Variants in SPOUT1 observed in about 807,000 individuals in gnomAD.
SPOUT1 encodes SPOUT domain containing methyltransferase 1.
A neutral mutation model predicts 54.8 loss-of-function variants in SPOUT1; 40 were observed. That is an observed-to-expected ratio of 0.73 (90% CI 0.57 to 0.95). SPOUT1 has a LOEUF of 0.95. Among genes scored for constraint, SPOUT1 ranks in the 40% least tolerant of loss-of-function variants. The pLI, the probability that SPOUT1 is intolerant of heterozygous loss-of-function variation, is 0.00. For synonymous variants in SPOUT1, 193 were observed against 200.3 expected (o/e 0.96, Z 0.31); for missense variants, 437 against 499.5 (o/e 0.87, Z 1.19).
chr9:128,822,435 G>C lies in SPOUT1; in HGVS notation c.*330C>G. On this transcript the variant is annotated 3_prime_UTR_variant, in exon 12 of 12. Coordinates refer to ENST00000361256, the MANE Select transcript of SPOUT1 (RefSeq NM_016390.4). ...GTGCTGATCCTGGAGGCAGCAGGTG[G>C]GCAAATTGAGCTCCGCACCTACGTG... 2 of 1,598,882 alleles carry C rather than the reference G, an allele frequency of 1.3e-6. No individual in the cohort carries two copies. The highest frequency in any genetic ancestry group is 1.7e-6 in the Non-Finnish European group (2 of 1,172,620).
At position 128,822,629 on chromosome 9, in the gene SPOUT1, CTG is replaced by C; in HGVS notation, c.*134_*135del. ...TAAGTGAGGGTGGAGCCCAGTGAGACTGTGGGTGTGTGCAGGCCGGGGAGTAT... is the reference window on the plus strand; with the variant it reads ...TAAGTGAGGGTGGAGCCCAGTGAGACTGGGTGTGTGCAGGCCGGGGAGTAT... On this transcript the variant is annotated 3_prime_UTR_variant, in exon 12 of 12. Coordinates refer to ENST00000361256, the MANE Select transcript of SPOUT1 (RefSeq NM_016390.4). The C allele has an allele frequency of 1.9e-6, 3 of 1,563,160 alleles. No homozygotes were observed. Among genetic ancestry groups the C allele is most frequent in the East Asian group, 2.3e-5 (1 of 42,594 alleles).
chr9:128,825,928 G>T, intron 7 of SPOUT1, 94 bp downstream of exon 7: 1 of 1,513,794 alleles, frequency 6.6e-7, no homozygotes, highest in Non-Finnish European at 9.0e-7. Context: ...GGGATTTCGG[G>T]CAGGTCCAGG....
Position 128,827,086 on chromosome 9 carries a change from G to A in SPOUT1, c.314C>T (p.Ala105Val). The A allele has an allele frequency of 6.2e-7, 1 of 1,614,130 alleles. No individual in the cohort carries two copies. The highest frequency in any genetic ancestry group is 8.5e-7 in the Non-Finnish European group (1 of 1,180,036). ...YLAGQIARAC[A>V]IFCVDEIVVF... ...CACGATCTCATCCACACAGAAGATG[G>A]CACAGGCTCTGGCAATCTGACCGGC... Residue 105 changes from alanine (A) to valine (V), a missense_variant, in exon 4 of 12, where the codon GCC becomes GTC. Transcript: ENST00000361256.
intron 9 of SPOUT1, 61 bp from the exon 10 acceptor site, chr9:128,824,235 A>G (rs1358306482): frequency 2.0e-5 from 11 of 561,808 alleles, no homozygotes; most frequent in Non-Finnish European, 3.7e-5. Flanking sequence ...TCCGGGTATT[A>G]TGTGTGTGTG....
At position 128,822,766 on chromosome 9, in the gene SPOUT1, CA is replaced by C; in HGVS notation, c.1129del (p.Ter377GlufsTer14). 1 of 1,575,662 alleles carries C rather than the reference CA, an allele frequency of 6.3e-7. No homozygotes were observed. The highest frequency in any genetic ancestry group is 8.6e-7 in the Non-Finnish European group (1 of 1,159,314). On this transcript the variant is annotated frameshift_variant and stop_lost, in exon 12 of 12. Coordinates refer to ENST00000361256, the MANE Select transcript of SPOUT1 (RefSeq NM_016390.4). LOFTEE classifies it high-confidence loss of function. ...GATGTCCTCGGCCCCTTAGAACTTT[CA>C]GGTGTGCCGGGCACCCGCCTGGATG... ...GLIQAGARHT[*>X]
chr9:128,820,391 A>C lies in SPOUT1; in HGVS notation c.*2374T>G. On this transcript the variant is annotated 3_prime_UTR_variant, in exon 12 of 12. Coordinates refer to ENST00000361256, the MANE Select transcript of SPOUT1 (RefSeq NM_016390.4). ...CCTGTGGCTCAGACTGGGAAAAGGA[A>C]CGGGTTGGTAGTTGGAAGGGCTGGT... The C allele has an allele frequency of 4.3e-6, 1 of 234,006 alleles. No homozygotes were observed. Among genetic ancestry groups the C allele is most frequent in the East Asian group, 9.9e-5 (1 of 10,072 alleles). The allele number at this position is 234,006 out of a possible 1,614,324, so 14.5% of individuals were successfully genotyped here.
At chr9:128,825,847 T>C (rs1830230320) in intron 7 of SPOUT1, 175 bp downstream of exon 7, 13 of 721,950 alleles carry the variant, frequency 1.8e-5, no homozygotes, top group South Asian at 1.6e-4. Context: ...TAAGCAACAG[T>C]AAATTCATTC....
chr9:128,826,773 G>T lies in SPOUT1; in HGVS notation c.369-144C>A. On this transcript the variant is annotated intron_variant, in intron 4 of 11. Coordinates refer to ENST00000361256, the MANE Select transcript of SPOUT1 (RefSeq NM_016390.4). The surrounding 1 kb of genome is among the most constrained non-coding windows in gnomAD (Gnocchi z 5.5). ...GTGCAGCAAGTAGAGGCTGCAGTGAGCCATGACCATGCCACTGCATGCACT... is the reference window on the plus strand; with the variant it reads ...GTGCAGCAAGTAGAGGCTGCAGTGATCCATGACCATGCCACTGCATGCACT... 1.4e-6 allele frequency: 1 copy of T among 690,364 alleles called. No homozygotes were observed. The highest frequency in any genetic ancestry group is 1.9e-5 in the South Asian group (1 of 52,942). The allele number at this position is 690,364 out of a possible 1,614,324, so 42.8% of individuals were successfully genotyped here.
At chr9:128,824,228 G>A (rs1015579354) in intron 9 of SPOUT1, 54 bp from the exon 10 acceptor site, 8 of 959,734 alleles carry the variant, frequency 8.3e-6, no homozygotes, top group East Asian at 4.9e-5. Flanking sequence ...CCATAGCTCC[G>A]GGTATTATGT....
At position 128,820,611 on chromosome 9, in the gene SPOUT1, C is replaced by T. The variant is rs1168835105; in HGVS notation, c.*2154G>A. The T allele has an allele frequency of 1.3e-6, 1 of 745,886 alleles. No individual in the cohort carries two copies. Among genetic ancestry groups the T allele is most frequent in the African/African-American group, 1.8e-5 (1 of 57,018 alleles). The allele number at this position is 745,886 out of a possible 1,614,324, so 46.2% of individuals were successfully genotyped here. A position where few individuals can be genotyped will look rare whatever the true frequency, so the allele number is the denominator to read the frequency against. ...GGAGTGACTTTCATTCCTTGAGCCT[C>T]AGTTTCCCCCCGCTTGTCTCACTGG... On this transcript the variant is annotated 3_prime_UTR_variant, in exon 12 of 12. Coordinates refer to ENST00000361256, the MANE Select transcript of SPOUT1 (RefSeq NM_016390.4).
In SPOUT1 at chr9:128,826,548, C is replaced by T. The variant is rs778996861; in HGVS notation, c.450G>A (p.Glu150=). 2 of 1,610,770 alleles carry T rather than the reference C, an allele frequency of 1.2e-6. No individual in the cohort carries two copies. The highest frequency in any genetic ancestry group is 2.2e-5 in the East Asian group (1 of 44,846). The change falls in exon 5 of 12, where the codon GAG becomes GAA. Residue 150 remains glutamate (E), a synonymous_variant. Transcript: ENST00000361256. This position sits in a 1 kb window ranked among gnomAD's most constrained non-coding sequence, Gnocchi z 5.5. The stretch of plus-strand genomic sequence containing the variant: ...GGGAGTGACCCCCTTACTGTGGACA[C>T]TCCAGGTACTGCAGGATCCGGGCCA... ...VQLARILQYL[E]CPQYLRKAFF...
At chr9:128,824,234 T>C (rs1830191115) in intron 9 of SPOUT1, 60 bp from the exon 10 acceptor site, 10 of 869,364 alleles carry the variant, frequency 1.2e-5, no homozygotes, top group Admixed American at 1.8e-5. Context: ...CTCCGGGTAT[T>C]ATGTGTGTGT....
intron 2 of SPOUT1, 85 bp downstream of exon 2, chr9:128,829,025 A>C: frequency 6.6e-7 from 1 of 1,518,422 alleles, no homozygotes; most frequent in Non-Finnish European, 9.1e-7. Flanking sequence ...ACCCAGAGGG[A>C]ACAAAGTTGG....
chr9:128,826,079 C>A lies in SPOUT1; in HGVS notation c.582G>T (p.Val194=). ...DEESEFREGI[V]VDRPTRPGHG... is the part of the protein sequence containing the mutation. ...GGCCTGGCCGGGTGGGCCGATCCAC[C>A]ACGATGCCCTCTCGGAACTCGGATT... Residue 194 remains valine (V), a synonymous_variant, in exon 7 of 12, where the codon GTG becomes GTT. Coordinates refer to ENST00000361256, the MANE Select transcript of SPOUT1 (RefSeq NM_016390.4). This position sits in a 1 kb window ranked among gnomAD's most constrained non-coding sequence, Gnocchi z 5.5. 1 of 1,614,116 alleles carries A rather than the reference C, an allele frequency of 6.2e-7. No homozygotes were observed. The highest frequency in any genetic ancestry group is 8.5e-7 in the Non-Finnish European group (1 of 1,179,980).
At chr9:128,822,971 A>C in intron 11 of SPOUT1, 138 bp from the exon 12 acceptor site, 1 of 639,552 alleles carries the variant, frequency 1.6e-6, no homozygotes, top group Non-Finnish European at 2.7e-6. Context: ...GGTGAGGTTA[A>C]TGACAGGCCC....
chr9:128,822,871 G>A, intron 11 of SPOUT1, 38 bp from the exon 12 acceptor site: 1 of 1,481,950 alleles, frequency 6.7e-7, no homozygotes, highest in Non-Finnish European at 9.2e-7. Flanking sequence ...GGGCCTGGGG[G>A]GCTAGCGGGT....
rs1210098904 is a variant in SPOUT1, at chr9:128,822,618, G to A, written c.*147C>T. On this transcript the variant is annotated 3_prime_UTR_variant, in exon 12 of 12. Transcript: ENST00000361256. ...ACGGCGGGCAGTAAGTGAGGGTGGA[G>A]CCCAGTGAGACTGTGGGTGTGTGCA... 6.4e-7 allele frequency: 1 copy of A among 1,565,540 alleles called. No homozygotes were observed. Among genetic ancestry groups the A allele is most frequent in the East Asian group, 2.3e-5 (1 of 42,834 alleles).
Position 128,822,551 on chromosome 9 carries a change from G to A in SPOUT1, c.*214C>T, listed in dbSNP as rs151311566. The A allele has an allele frequency of 1.3e-6, 2 of 1,562,468 alleles. No homozygotes were observed. Among genetic ancestry groups the A allele is most frequent in the African/African-American group, 2.7e-5 (2 of 73,974 alleles). On this transcript the variant is annotated 3_prime_UTR_variant, in exon 12 of 12. Coordinates refer to ENST00000361256, the MANE Select transcript of SPOUT1 (RefSeq NM_016390.4). ...TGAGCGGGCTTCGGGGCTGCTCTTT[G>A]TGCCAAACATCCTGGCGCGGGCAGG...
intron 3 of SPOUT1, 72 bp from the exon 4 acceptor site, chr9:128,827,263 T>C: frequency 7.2e-7 from 1 of 1,393,756 alleles, no homozygotes; most frequent in Non-Finnish European, 9.7e-7. Flanking sequence ...CCTTCCTCTG[T>C]CCCTAGCGCC....
Sources: allele counts gnomAD v4.1 joint callset, GRCh38; gene constraint gnomAD v4.1.1; non-coding constraint Gnocchi (gnomAD v3.1); transcripts MANE v1.5; gene names NCBI Gene and HGNC (gene_info 2026-07-23, HGNC 2026-07-21).